MOB3C: variants seen among roughly 807,000 people sequenced by gnomAD.
The protein encoded by MOB3C is MOB1, Mps One Binder kinase activator-like 2C.
Under a neutral mutation model 19.8 loss-of-function variants are expected in MOB3C, and 17 were observed. The ratio of observed to expected loss-of-function variants is 0.86; its 90% confidence interval spans 0.59 to 1.29. The LOEUF (loss-of-function observed/expected upper bound fraction) is 1.29. MOB3C is among the 50% of genes most tolerant of loss of function. The pLI, the probability that MOB3C is intolerant of heterozygous loss-of-function variation, is 0.00. For synonymous variants in MOB3C, 101 were observed against 119.2 expected (o/e 0.85, Z 0.99); for missense variants, 291 against 301.9 (o/e 0.96, Z 0.27).
chr1:46,612,328 C>G (rs952222328), intron 2 of MOB3C, among the ~76,000 whole-genome samples: 1 of 152,160 alleles, frequency 6.6e-6, no homozygotes, highest in Non-Finnish European at 1.5e-5. Context: ...ATGAACACCT[C>G]GGGGCAACTG....
Position 46,616,291 on chromosome 1 carries a change from A to T in MOB3C, c.-51+420T>A, listed in dbSNP as rs1440485780. The T allele has an allele frequency of 4.6e-5, 7 of 152,362 alleles. No individual in the cohort carries two copies. In the East Asian group the frequency reaches 1.4e-3, roughly 29 times the overall value. 9.4% of individuals were successfully genotyped at this position (152,362 alleles called of 1,614,324 possible). On this transcript the variant is annotated intron_variant, in intron 1 of 3. Coordinates refer to ENST00000319928, the MANE Select transcript of MOB3C (RefSeq NM_201403.3). Reference sequence around the variant, plus strand: ...CAGAGGATGGCCCCAGTTTGAACCCAGAATCCATCCTGGGACTCTCTCTAG... The same window carrying T: ...CAGAGGATGGCCCCAGTTTGAACCCTGAATCCATCCTGGGACTCTCTCTAG...
In MOB3C at chr1:46,611,312, T is replaced by C. The variant is rs1432482596; in HGVS notation, c.419-1108A>G. On this transcript the variant is annotated intron_variant, in intron 2 of 3. Transcript: ENST00000319928. The surrounding 1 kb of genome is among the most constrained non-coding windows in gnomAD (Gnocchi z 4.1). Reference sequence around the variant, plus strand: ...CTGCTAGCCCAAGGCCACATAAGTATTAATCAGTGCAGAATGGAGACTGGA... The same window carrying C: ...CTGCTAGCCCAAGGCCACATAAGTACTAATCAGTGCAGAATGGAGACTGGA... Among the ~76,000 whole-genome samples the C allele has an allele frequency of 6.6e-6, 1 of 152,214 alleles. No homozygotes were observed. Among genetic ancestry groups the C allele is most frequent in the Non-Finnish European group, 1.5e-5 (1 of 68,026 alleles).
chr1:46,615,009 C>A, intron 1 of MOB3C: 1 of 1,613,192 alleles, frequency 6.2e-7, no homozygotes, highest in Non-Finnish European at 8.5e-7. Context: ...GACTCTTCGA[C>A]TTCTCACCCA....
chr1:46,615,534 A>G (rs1675546524), intron 1 of MOB3C: 1 of 158,662 alleles, frequency 6.3e-6, no homozygotes, highest in Admixed American at 6.3e-5. Context: ...TTAGACTAGA[A>G]TCTTAGAGTT....
intron 2 of MOB3C, among the ~76,000 whole-genome samples, chr1:46,612,588 C>T (rs1480518954): frequency 2.0e-5 from 3 of 146,938 alleles, no homozygotes; most frequent in East Asian, 2.3e-4. Context: ...CGCTTGAACC[C>T]GGGGGGCAGA....
intron 2 of MOB3C, 24 bp downstream of exon 2, chr1:46,612,880 C>T (rs750390447): frequency 2.6e-6 from 4 of 1,525,972 alleles, no homozygotes; most frequent in Non-Finnish European, 3.5e-6. Flanking sequence ...CCCAGTGGCT[C>T]CCTCCCCGCC....
At position 46,614,533 on chromosome 1, in the gene MOB3C, T is replaced by C. The variant is rs189888738; in HGVS notation, c.-50-1162A>G. The C allele has an allele frequency of 3.9e-3, 670 of 172,654 alleles. 8 individuals are homozygous for C. Among genetic ancestry groups the C allele is most frequent in the Middle Eastern group, 0.032 (12 of 370 alleles). The allele number at this position is 172,654 out of a possible 1,614,324, so 10.7% of individuals were successfully genotyped here. Reference sequence around the variant, plus strand: ...AAGCACACTGCCCCTGCCCCTAGACTGAGCACTAAGGCTGAGTATAAGCTA... The same window carrying C: ...AAGCACACTGCCCCTGCCCCTAGACCGAGCACTAAGGCTGAGTATAAGCTA... On this transcript the variant is annotated intron_variant, in intron 1 of 3. Coordinates refer to ENST00000319928, the MANE Select transcript of MOB3C (RefSeq NM_201403.3).
In MOB3C at chr1:46,611,619, G is replaced by T. The variant is rs953745128; in HGVS notation, c.418+1285C>A. ...CTCTTCCTCACCATTCCCAGGTGGGGTCGAGCCTTCCCTCCCTCTGAGCCC... is the reference window on the plus strand; with the variant it reads ...CTCTTCCTCACCATTCCCAGGTGGGTTCGAGCCTTCCCTCCCTCTGAGCCC... On this transcript the variant is annotated intron_variant, in intron 2 of 3. Transcript: ENST00000319928. The surrounding 1 kb of genome is among the most constrained non-coding windows in gnomAD (Gnocchi z 4.1). Among the ~76,000 whole-genome samples the T allele has an allele frequency of 5.3e-5, 8 of 152,230 alleles. No homozygotes were observed. The East Asian group carries it at 1.5e-3, about 29-fold the overall frequency.
At position 46,614,762 on chromosome 1, in the gene MOB3C, T is replaced by C; in HGVS notation, c.-50-1391A>G. On this transcript the variant is annotated intron_variant, in intron 1 of 3. Transcript: ENST00000319928. The stretch of plus-strand genomic sequence containing the variant: ...GGGAGGGTGGGAACCAGGTGACACC[T>C]GGGTAAAAGCAAAGGGATGGCACAT... 1.1e-5 allele frequency: 6 copies of C among 528,984 alleles called. 1 individual carries two copies. In the South Asian group the frequency reaches 1.6e-4, roughly 15 times the overall value. The allele number at this position is 528,984 out of a possible 1,614,324, so 32.8% of individuals were successfully genotyped here. A position where few individuals can be genotyped will look rare whatever the true frequency, so the allele number is the denominator to read the frequency against.
intron 2 of MOB3C, among the ~76,000 whole-genome samples, chr1:46,612,567 G>C (rs879318104): frequency 6.6e-6 from 1 of 151,590 alleles, no homozygotes; most frequent in Non-Finnish European, 1.5e-5. Flanking sequence ...AGAAGGCTGA[G>C]GCAGGAGAAT....
At chr1:46,614,860 C>T (rs955186799) in intron 1 of MOB3C, 18 of 795,858 alleles carry the variant, frequency 2.3e-5, no homozygotes, top group Non-Finnish European at 3.2e-5. Context: ...AAGGTCCTTC[C>T]TTGAACCCAC....
At chr1:46,609,957 CAGAGG>C in intron 3 of MOB3C, 40 bp downstream of exon 3, 1 of 1,608,070 alleles carries the variant, frequency 6.2e-7, no homozygotes, top group Non-Finnish European at 8.5e-7. Flanking sequence ...CGTGAAAACT[CAGAGG>C]CTAGCCTTGG....
rs1675473444 is a variant in MOB3C, at chr1:46,611,821, A to T, written c.418+1083T>A. Among the ~76,000 whole-genome samples the T allele has an allele frequency of 1.3e-5, 2 of 152,246 alleles. 1 individual carries two copies. The highest frequency in any genetic ancestry group is 4.1e-4 in the South Asian group (2 of 4,836). On this transcript the variant is annotated intron_variant, in intron 2 of 3. Coordinates refer to ENST00000319928, the MANE Select transcript of MOB3C (RefSeq NM_201403.3). The surrounding 1 kb of genome is among the most constrained non-coding windows in gnomAD (Gnocchi z 4.1). ...TGCTCCTTGTCGGGCATGACAGTGCAAGAAACAGCAGGCCACTGGCTGGGG... is the reference window on the plus strand; with the variant it reads ...TGCTCCTTGTCGGGCATGACAGTGCTAGAAACAGCAGGCCACTGGCTGGGG...
Position 46,609,963 on chromosome 1 carries a change from C to A in MOB3C, c.621+39G>T, listed in dbSNP as rs575290867. 1.7e-5 allele frequency: 28 copies of A among 1,611,188 alleles called. No individual in the cohort carries two copies. The South Asian group carries it at 3.0e-4, about 17-fold the overall frequency. On this transcript the variant is annotated intron_variant, in intron 3 of 3. Coordinates refer to ENST00000319928, the MANE Select transcript of MOB3C (RefSeq NM_201403.3). ...GCTTTTGGACGTGAAAACTCAGAGG[C>A]TAGCCTTGGTAGGGGAGGGTGGTAG...
At chr1:46,609,783 G>A in intron 3 of MOB3C, 99 bp from the exon 4 acceptor site, 6 of 1,513,882 alleles carry the variant, frequency 4.0e-6, no homozygotes, top group Non-Finnish European at 5.4e-6. Flanking sequence ...GTCTGAGCCT[G>A]GCCTTCCCCC....
chr1:46,613,757 A>G (rs1173735649), intron 1 of MOB3C: 7 of 212,176 alleles, frequency 3.3e-5, no homozygotes. Context: ...CAGCTGGTGC[A>G]ACGTGGGAGA....
chr1:46,613,325 C>T lies in MOB3C; in HGVS notation c.-4G>A, dbSNP rs773493416. 24 of 1,602,902 alleles carry T rather than the reference C, an allele frequency of 1.5e-5. No individual in the cohort carries two copies. In the African/African-American group the frequency reaches 2.8e-4, roughly 19 times the overall value. On this transcript the variant is annotated 5_prime_UTR_variant, in exon 2 of 4. Transcript: ENST00000319928. Reference sequence around the variant, plus strand: ...CCTGCTTCAGGCACAGGGCCATGGCCAGCTGGGCCTGGGGCTGCTGTCCAG... The same window carrying T: ...CCTGCTTCAGGCACAGGGCCATGGCTAGCTGGGCCTGGGGCTGCTGTCCAG...
At chr1:46,612,380 A>G (rs550902143) in intron 2 of MOB3C, among the ~76,000 whole-genome samples, 162 of 152,356 alleles carry the variant, frequency 1.1e-3, no homozygotes, top group Admixed American at 3.3e-3. Context: ...TGGTCTTGCC[A>G]GAGTGGTCCT....
intron 1 of MOB3C, chr1:46,615,293 A>G (rs1023683226): frequency 3.7e-6 from 2 of 536,586 alleles, no homozygotes; most frequent in Admixed American, 6.3e-5. Flanking sequence ...TGATTCCTGA[A>G]CACGCCCCCA....
Sources: allele counts gnomAD v4.1 joint callset (sites outside exome capture counted in the v4.1 genomes callset), GRCh38; gene constraint gnomAD v4.1.1; non-coding constraint Gnocchi (gnomAD v3.1); transcripts MANE v1.5; gene names NCBI Gene and HGNC (gene_info 2026-07-23, HGNC 2026-07-21).